MAP3K13: variants seen among roughly 807,000 people sequenced by gnomAD.
MAP3K13 encodes the protein leucine zipper-bearing kinase.
Under a neutral mutation model 104.0 loss-of-function variants are expected in MAP3K13, and 52 were observed. The observed-to-expected ratio is 0.50, with a 90% CI of 0.40 to 0.63. MAP3K13 has a LOEUF of 0.63. Among genes scored for constraint, MAP3K13 ranks in the 20% least tolerant of loss-of-function variants. The pLI is 0.00. For synonymous variants in MAP3K13, 394 were observed against 442.2 expected, an observed-to-expected ratio of 0.89 and a Z score of 1.37; for missense variants, 914 against 1,218.5, an observed-to-expected ratio of 0.75 and a Z score of 3.72.
intron 2 of MAP3K13, among the ~76,000 whole-genome samples, chr3:185,294,611 T>G (rs976227082): frequency 1.3e-5 from 2 of 152,194 alleles, no homozygotes; most frequent in Non-Finnish European, 2.9e-5. Context: ...ATTGCAAAGG[T>G]TGTATAAATC....
chr3:185,324,730 G>A (rs1721988382), intron 2 of MAP3K13, among the ~76,000 whole-genome samples: 1 of 151,718 alleles, frequency 6.6e-6, no homozygotes, highest in African/African-American at 2.4e-5. Context: ...TAACCTCAAG[G>A]AGACTTCTAG....
At chr3:185,477,009 G>A in intron 11 of MAP3K13, 1 of 478,214 alleles carries the variant, frequency 2.1e-6, no homozygotes, top group South Asian at 1.8e-5. Flanking sequence ...CCAAATCCAA[G>A]ACCTCCTCTC....
Position 185,367,601 on chromosome 3 carries a change from AT to A in MAP3K13, c.-86+4247del, listed in dbSNP as rs879316068. 9.5e-3 allele frequency among the ~76,000 whole-genome samples: 1,385 copies of A among 145,960 alleles called. 11 individuals are homozygous for A. Among genetic ancestry groups the A allele is most frequent in the African/African-American group, 0.028 (1,110 of 40,028 alleles). On this transcript the variant is annotated intron_variant, in intron 1 of 13. Coordinates refer to ENST00000265026, the MANE Select transcript of MAP3K13 (RefSeq NM_004721.5). ...TTAAGCACTTTCTACGTGTCTGTAA[AT>A]TTTTTTTTTTTTTAAACAAGGTCTC...
chr3:185,325,663 A>T (rs1722021283), intron 2 of MAP3K13, among the ~76,000 whole-genome samples: 1 of 152,182 alleles, frequency 6.6e-6, no homozygotes, highest in Non-Finnish European at 1.5e-5. Context: ...CTGGAACTTG[A>T]AGCAGAGGCT....
rs549220448 is a variant in MAP3K13 at position 185,305,619 on chromosome 3, T to C, written c.-86+19976T>C. Among the ~76,000 whole-genome samples, 2 of 152,324 alleles carry C rather than the reference T, an allele frequency of 1.3e-5. 1 individual carries two copies. The highest frequency in any genetic ancestry group is 4.1e-4 in the South Asian group (2 of 4,828). ...ACGTGTTTATATGCTTTCAAGTTGT[T>C]ATCTACTATCCTTTTATTTCAACCC... is the stretch of plus-strand genomic sequence containing the variant. On this transcript the variant is annotated intron_variant, in intron 2 of 14. Transcript: ENST00000424227.
At chr3:185,405,754 T>C (rs1224597863) in intron 1 of MAP3K13, among the ~76,000 whole-genome samples, 1 of 152,244 alleles carries the variant, frequency 6.6e-6, no homozygotes, top group Non-Finnish European at 1.5e-5. Context: ...ATACTGTGCT[T>C]GAAGGCTAAA....
At chr3:185,411,086 T>C (rs1222305605) in intron 1 of MAP3K13, among the ~76,000 whole-genome samples, 1 of 152,000 alleles carries the variant, frequency 6.6e-6, no homozygotes, top group Admixed American at 6.6e-5. Context: ...GGAAGCAAAG[T>C]GTTAGGTAAA....
intron 2 of MAP3K13, among the ~76,000 whole-genome samples, chr3:185,287,787 G>T (rs566110778): frequency 4.9e-4 from 75 of 152,268 alleles, no homozygotes; most frequent in African/African-American, 1.8e-3. Flanking sequence ...TGTAATCCTA[G>T]CACTTTGGGA....
At chr3:185,437,125 A>G (rs1426487290) in intron 2 of MAP3K13, among the ~76,000 whole-genome samples, 5 of 151,966 alleles carry the variant, frequency 3.3e-5, no homozygotes, top group African/African-American at 9.7e-5. Context: ...AGTTGCATAG[A>G]GACAGACGGG....
intron 2 of MAP3K13, among the ~76,000 whole-genome samples, chr3:185,288,344 AG>A: frequency 6.6e-6 from 1 of 152,034 alleles, no homozygotes; most frequent in East Asian, 1.9e-4. Flanking sequence ...ATAGATACAT[AG>A]TATATTATAC....
intron 1 of MAP3K13, among the ~76,000 whole-genome samples, chr3:185,388,990 G>T (rs753808375): frequency 9.9e-5 from 15 of 152,142 alleles, no homozygotes; most frequent in Non-Finnish European, 1.8e-4. Flanking sequence ...AGCAGCAGAG[G>T]CAGTACATTC....
chr3:185,446,760 T>C (rs1450636461), intron 4 of MAP3K13, among the ~76,000 whole-genome samples: 1 of 152,258 alleles, frequency 6.6e-6, no homozygotes, highest in East Asian at 1.9e-4. Flanking sequence ...TCATTCATGA[T>C]ATTAGTTGGC....
In MAP3K13 at chr3:185,399,943, C is replaced by T. The variant is rs1712694378; in HGVS notation, c.-85-28554C>T. On this transcript the variant is annotated intron_variant, in intron 1 of 13. Transcript: ENST00000265026. The stretch of plus-strand genomic sequence containing the variant: ...AACCCTCTGTCACCATCACATCCAG[C>T]CAGTCACTCTATCCTGTTAATTCTG... Among the ~76,000 whole-genome samples, 5 of 152,076 alleles carry T rather than the reference C, an allele frequency of 3.3e-5. No homozygotes were observed. The South Asian group carries it at 1.0e-3, about 31-fold the overall frequency.
intron 7 of MAP3K13, among the ~76,000 whole-genome samples, chr3:185,459,103 C>T (rs1716942350): frequency 6.6e-6 from 1 of 152,120 alleles, no homozygotes; most frequent in South Asian, 2.1e-4. Flanking sequence ...CTCTTGAGTG[C>T]CATTGTGACC....
At chr3:185,442,444 A>G (rs1054011232) in intron 3 of MAP3K13, among the ~76,000 whole-genome samples, 1 of 152,186 alleles carries the variant, frequency 6.6e-6, no homozygotes, top group Non-Finnish European at 1.5e-5. Flanking sequence ...TAATATTAAA[A>G]GTAGAAGTAT....
At chr3:185,429,929 G>A (rs749304465) in intron 2 of MAP3K13, among the ~76,000 whole-genome samples, 1 of 152,196 alleles carries the variant, frequency 6.6e-6, no homozygotes, top group Non-Finnish European at 1.5e-5. Context: ...GTTGGGCGTG[G>A]TGGCTCAAGC....
intron 3 of MAP3K13, among the ~76,000 whole-genome samples, chr3:185,438,065 G>A (rs1007922014): frequency 3.3e-5 from 5 of 152,142 alleles, no homozygotes; most frequent in Admixed American, 2.0e-4. Flanking sequence ...GGCCAAGGCA[G>A]GCAGATCACT....
chr3:185,295,349 C>T lies in MAP3K13; in HGVS notation c.-86+9706C>T, dbSNP rs184670588. ...CCTCCCAAGTAGCTGGGATTATAGGCGCCCGCCACTATGCCTGGCTAATTT... is the reference window on the plus strand; with the variant it reads ...CCTCCCAAGTAGCTGGGATTATAGGTGCCCGCCACTATGCCTGGCTAATTT... On this transcript the variant is annotated intron_variant, in intron 2 of 14. Coordinates refer to the MAP3K13 transcript ENST00000424227. Among the ~76,000 whole-genome samples, 1,034 of 152,078 alleles carry T rather than the reference C, an allele frequency of 6.8e-3. 10 individuals carry two copies. The highest frequency in any genetic ancestry group is 0.023 in the African/African-American group (959 of 41,514).
intron 2 of MAP3K13, among the ~76,000 whole-genome samples, chr3:185,301,753 C>T (rs1431341234): frequency 6.6e-6 from 1 of 152,188 alleles, no homozygotes; most frequent in East Asian, 1.9e-4. Context: ...TGTGTGACCT[C>T]AGCACCCTTG....
Sources: allele counts gnomAD v4.1 joint callset (sites outside exome capture counted in the v4.1 genomes callset), GRCh38; gene constraint gnomAD v4.1.1; transcripts MANE v1.5; gene names NCBI Gene and HGNC (gene_info 2026-07-23, HGNC 2026-07-21).